Variants in CA10 observed in about 807,000 individuals in gnomAD.
CA10 encodes the protein carbonic anhydrase 10 (inactive).
CA10 carries 14 observed loss-of-function variants against 44.2 expected under a neutral mutation model. The observed-to-expected ratio is 0.32, with a 90% confidence interval of 0.21 to 0.50. The LOEUF (loss-of-function observed/expected upper bound fraction) is 0.50, where lower values mean the gene tolerates loss of function less well. Ranked by LOEUF, CA10 falls within the 20% of genes least tolerant of loss-of-function variation. The pLI is 0.99. For synonymous variants in CA10, 159 were observed against 141.6 expected (o/e 1.12, Z -0.87); for missense variants, 350 against 409.7 (o/e 0.85, Z 1.26).
intron 3 of CA10, among the ~76,000 whole-genome samples, chr17:51,779,485 C>A (rs1526189): frequency 0.52 from 78,744 of 152,024 alleles, 24,003 homozygotes; most frequent in East Asian, 0.69. Context: ...TGCAGGTGTG[C>A]AAATGAGCCT....
At chr17:51,811,928 T>C (rs1907382643) in intron 3 of CA10, among the ~76,000 whole-genome samples, 1 of 152,196 alleles carries the variant, frequency 6.6e-6, no homozygotes, top group African/African-American at 2.4e-5. Context: ...CCTGCTTCCT[T>C]GAACTGTCCT....
intron 2 of CA10, among the ~76,000 whole-genome samples, chr17:51,983,507 G>A (rs147668008): frequency 5.3e-4 from 81 of 151,704 alleles, no homozygotes; most frequent in African/African-American, 1.6e-3. Context: ...AAATAACTCT[G>A]AGAATGGATG....
At position 51,805,157 on chromosome 17, in the gene CA10, T is replaced by C. The variant is rs141023853; in HGVS notation, c.280-57339A>G. On this transcript the variant is annotated intron_variant, in intron 3 of 8. Transcript: ENST00000451037. ...TTAGTTCCAGCTACGTTTGCCACTCTGGGCAGTTGTTTGGCAAGCATGCCA... is the reference window on the plus strand; with the variant it reads ...TTAGTTCCAGCTACGTTTGCCACTCCGGGCAGTTGTTTGGCAAGCATGCCA... Among the ~76,000 whole-genome samples, 639 of 152,362 alleles carry C rather than the reference T, an allele frequency of 4.2e-3. 4 individuals are homozygous for C. The highest frequency in any genetic ancestry group is 0.015 in the African/African-American group (614 of 41,574).
chr17:52,055,707 C>G (rs975290005), intron 2 of CA10, among the ~76,000 whole-genome samples: 1 of 151,956 alleles, frequency 6.6e-6, no homozygotes. Flanking sequence ...GTTATTTTCT[C>G]CCAATTAGCC....
chr17:51,706,172 G>A (rs190399215), intron 4 of CA10, among the ~76,000 whole-genome samples: 242 of 152,250 alleles, frequency 1.6e-3, no homozygotes, highest in African/African-American at 5.5e-3. Flanking sequence ...AAGAAGAAAC[G>A]GAGGATGTAA....
At chr17:51,945,351 A>T (rs1009291668) in intron 2 of CA10, among the ~76,000 whole-genome samples, 4 of 152,076 alleles carry the variant, frequency 2.6e-5, no homozygotes, top group Non-Finnish European at 5.9e-5. Flanking sequence ...GGGTGGGGTA[A>T]ATATCCTTGC....
chr17:51,821,789 A>G (rs1365859682), intron 3 of CA10, among the ~76,000 whole-genome samples: 1 of 152,170 alleles, frequency 6.6e-6, no homozygotes, highest in Non-Finnish European at 1.5e-5. Context: ...AGCTACTTTA[A>G]TAGGGCAGAA....
chr17:52,086,142 A>G (rs923912695), intron 1 of CA10, among the ~76,000 whole-genome samples: 1 of 152,222 alleles, frequency 6.6e-6, no homozygotes, highest in Non-Finnish European at 1.5e-5. Context: ...GCAATGAGAA[A>G]TAAGGGGATG....
chr17:52,073,992 G>T (rs1463199368), intron 1 of CA10, among the ~76,000 whole-genome samples: 1 of 152,122 alleles, frequency 6.6e-6, no homozygotes, highest in Non-Finnish European at 1.5e-5. Flanking sequence ...TCCCCAAGTG[G>T]GTAGACAACA....
At chr17:51,747,982 G>T (rs1904764063) in intron 3 of CA10, among the ~76,000 whole-genome samples, 164 bp from the exon 4 acceptor site, 1 of 152,130 alleles carries the variant, frequency 6.6e-6, no homozygotes, top group Non-Finnish European at 1.5e-5. Flanking sequence ...GGGTATATGT[G>T]GGATCTATGG....
intron 3 of CA10, among the ~76,000 whole-genome samples, chr17:51,798,679 T>C (rs1029072241): frequency 2.0e-5 from 3 of 152,138 alleles, no homozygotes; most frequent in Admixed American, 6.5e-5. Context: ...TTGTCACTAG[T>C]GGGAAGCACA....
intron 2 of CA10, among the ~76,000 whole-genome samples, chr17:51,990,536 C>T (rs775591114): frequency 2.0e-4 from 30 of 151,994 alleles, no homozygotes; most frequent in Non-Finnish European, 4.0e-4. Context: ...GGAGACAGTA[C>T]AAAACTGAGA....
rs943353210 is a variant in CA10, at chr17:52,093,759, G to A, written c.62-21366C>T. 3.3e-5 allele frequency among the ~76,000 whole-genome samples: 5 copies of A among 152,204 alleles called. No homozygotes were observed. The East Asian group carries it at 9.6e-4, about 29-fold the overall frequency. On this transcript the variant is annotated intron_variant, in intron 1 of 8. Transcript: ENST00000451037. Reference sequence around the variant, plus strand: ...CTTTTATGCAGTAGAATGGAAAAGAGGGCAATAACTAAATTTTCTGAGAGT... The same window carrying A: ...CTTTTATGCAGTAGAATGGAAAAGAAGGCAATAACTAAATTTTCTGAGAGT...
At chr17:51,637,504 C>G (rs1000803421) in intron 6 of CA10, among the ~76,000 whole-genome samples, 2 of 152,216 alleles carry the variant, frequency 1.3e-5, no homozygotes, top group Admixed American at 6.5e-5. Context: ...AGGGATGAGA[C>G]TGACTCTCCA....
At chr17:52,108,192 T>TATATA (rs1555566967) in intron 1 of CA10, among the ~76,000 whole-genome samples, 1 of 113,130 alleles carries the variant, frequency 8.8e-6, no homozygotes, top group South Asian at 2.7e-4. Flanking sequence ...TATATATATT[T>TATATA]TTTATATATA....
At chr17:51,967,605 G>GCATAGTCTC (rs1984129931) in intron 2 of CA10, among the ~76,000 whole-genome samples, 1 of 151,668 alleles carries the variant, frequency 6.6e-6, no homozygotes, top group African/African-American at 2.4e-5. Context: ...TCTAAATACT[G>GCATAGTCTC]CATAGTCTCA....
At chr17:51,668,361 A>C (rs1042781953) in intron 4 of CA10, among the ~76,000 whole-genome samples, 1 of 152,164 alleles carries the variant, frequency 6.6e-6, no homozygotes, top group Non-Finnish European at 1.5e-5. Context: ...GAGCTTTATA[A>C]ATTACAATGC....
chr17:51,903,946 C>T (rs1981429937), intron 3 of CA10, among the ~76,000 whole-genome samples: 1 of 151,832 alleles, frequency 6.6e-6, no homozygotes, highest in African/African-American at 2.4e-5. Flanking sequence ...ATCTTCTATA[C>T]AAAAATGGAA....
At chr17:52,041,223 A>G (rs147783410) in intron 2 of CA10, among the ~76,000 whole-genome samples, 5 of 152,240 alleles carry the variant, frequency 3.3e-5, no homozygotes, top group Admixed American at 6.5e-5. Context: ...TCTACCATCA[A>G]TTCAAAATGG....
Sources: allele counts gnomAD v4.1 joint callset (sites outside exome capture counted in the v4.1 genomes callset), GRCh38; gene constraint gnomAD v4.1.1; transcripts MANE v1.5; gene names NCBI Gene and HGNC (gene_info 2026-07-23, HGNC 2026-07-21).